Variants in PRR5 observed in about 807,000 individuals in gnomAD.
PRR5 encodes proline rich 5, also known as proline-rich protein 5.
In PRR5, 25 loss-of-function variants were observed where a neutral mutation model predicts 30.6. The ratio of observed to expected loss-of-function variants is 0.82; its 90% CI spans 0.60 to 1.14. The LOEUF (loss-of-function observed/expected upper bound fraction) is 1.14. Ranked by LOEUF, PRR5 falls within the 50% of genes most tolerant of loss-of-function variation. The probability of loss-of-function intolerance (pLI) is 0.00; values close to 1 mark genes in which losing one functional copy is unlikely to be tolerated. For synonymous variants in PRR5, 286 were observed against 247.1 expected (o/e 1.16, Z -1.48); for missense variants, 600 against 547.1 (o/e 1.10, Z -0.96).
intron 1 of PRR5, among the ~76,000 whole-genome samples, chr22:44,696,822 C>T (rs185074879): frequency 5.3e-5 from 8 of 152,198 alleles, no homozygotes; most frequent in African/African-American, 1.7e-4. Flanking sequence ...CTGTAAACTC[C>T]GCTTCCAGGG....
intron 1 of PRR5, among the ~76,000 whole-genome samples, chr22:44,710,906 G>GGGCA: frequency 6.6e-6 from 1 of 151,954 alleles, no homozygotes; most frequent in African/African-American, 2.4e-5. Context: ...AGGGCAGGGC[G>GGGCA]TGCTGACCTT....
At chr22:44,694,455 C>A (rs952359687) in intron 1 of PRR5, among the ~76,000 whole-genome samples, 1 of 152,202 alleles carries the variant, frequency 6.6e-6, no homozygotes, top group African/African-American at 2.4e-5. Flanking sequence ...ATCACTTGAA[C>A]CTGGGAGGTG....
chr22:44,727,168 G>A (rs919989993), intron 4 of PRR5, among the ~76,000 whole-genome samples: 4 of 151,488 alleles, frequency 2.6e-5, no homozygotes, highest in Non-Finnish European at 2.9e-5. Flanking sequence ...GGGTGGGGGC[G>A]GGACTCAAAC....
rs1053053720 is a variant in PRR5 at position 44,735,503 on chromosome 22, C to G, written c.691+341C>G. ...TGCCGAAGCTTGAGGACTCCTGGCT[C>G]AGTTAGGGGACCCAGGCTGGGAGGG... On this transcript the variant is annotated intron_variant, in intron 7 of 7. Transcript: ENST00000336985. Among the ~76,000 whole-genome samples, 28 of 152,140 alleles carry G rather than the reference C, an allele frequency of 1.8e-4. 1 individual carries two copies. The highest frequency in any genetic ancestry group is 7.4e-5 in the Non-Finnish European group (5 of 67,990).
chr22:44,716,499 A>G (rs1374806594), intron 2 of PRR5, among the ~76,000 whole-genome samples: 1 of 151,928 alleles, frequency 6.6e-6, no homozygotes, highest in East Asian at 1.9e-4. Context: ...ATGACAAGAC[A>G]CCTTCTCTAT....
chr22:44,701,715 C>T (rs1926309380), upstream of PRR5, among the ~76,000 whole-genome samples: 1 of 152,210 alleles, frequency 6.6e-6, no homozygotes, highest in African/African-American at 2.4e-5. Context: ...TAGGCTGAGC[C>T]CGGGTGGAGT....
intron 1 of PRR5, 30 bp downstream of exon 1, chr22:44,702,638 G>A: frequency 2.4e-6 from 3 of 1,267,502 alleles, no homozygotes; most frequent in African/African-American, 1.6e-5. Flanking sequence ...GCCACCCGGA[G>A]GCCCTGGAGC....
chr22:44,690,482 C>A (rs908430167), intron 1 of PRR5, among the ~76,000 whole-genome samples: 2 of 151,894 alleles, frequency 1.3e-5, no homozygotes, highest in Non-Finnish European at 2.9e-5. Context: ...AAGAGGCAGC[C>A]CCGCTCACTG....
chr22:44,711,569 G>A (rs1928240256), intron 1 of PRR5, among the ~76,000 whole-genome samples: 2 of 152,162 alleles, frequency 1.3e-5, no homozygotes, highest in Admixed American at 1.3e-4. Context: ...AGGCTGCTCA[G>A]GGCAGATCAC....
At chr22:44,733,831 G>A (rs777491872) in intron 6 of PRR5, among the ~76,000 whole-genome samples, 10 of 152,130 alleles carry the variant, frequency 6.6e-5, no homozygotes, top group Non-Finnish European at 8.8e-5. Context: ...TACCAGCCCC[G>A]AAACCCCAAG....
rs1569063252 is a variant in PRR5 at position 44,679,821 on chromosome 22, CA to C, written c.-11+2582del. Reference sequence around the variant, plus strand: ...AGCCATGGTGTGTTTGGAACTTTCACAGAGGGAAGCCTGGGGCTCGGGAAGC... The same window carrying C: ...AGCCATGGTGTGTTTGGAACTTTCACGAGGGAAGCCTGGGGCTCGGGAAGC... On this transcript the variant is annotated intron_variant, in intron 1 of 8. Coordinates refer to the PRR5 transcript ENST00000006251. 5 of 1,599,008 alleles carry C rather than the reference CA, an allele frequency of 3.1e-6. No individual in the cohort carries two copies. The South Asian group carries it at 5.7e-5, about 18-fold the overall frequency.
At chr22:44,700,029 G>A (rs1157255969), upstream of PRR5, among the ~76,000 whole-genome samples, 6 of 152,076 alleles carry the variant, frequency 3.9e-5, no homozygotes, top group African/African-American at 1.2e-4. Flanking sequence ...AAGTTTGAGA[G>A]CGTGGGCTAG....
chr22:44,734,985 T>C (rs1922930527), intron 6 of PRR5, 42 bp from the exon 7 acceptor site: 1 of 1,587,540 alleles, frequency 6.3e-7, no homozygotes, highest in Non-Finnish European at 8.6e-7. Context: ...GCCACCAAGC[T>C]CGGGTGCATG....
chr22:44,729,717 C>G (rs1250841231), intron 4 of PRR5: 1 of 985,378 alleles, frequency 1.0e-6, no homozygotes, highest in Non-Finnish European at 1.2e-6. Flanking sequence ...GCGAGGCTGC[C>G]CTTCCTGGCC....
rs140085854 is a variant in PRR5 at position 44,682,814 on chromosome 22, G to A, written c.-11+5574G>A. On this transcript the variant is annotated intron_variant, in intron 1 of 8. Transcript: ENST00000006251. Reference sequence around the variant, plus strand: ...GAAATTGCCGCTCTCATTCTGCAGGGCCGCCCAAGGCCTCTCTGAGCCCAC... The same window carrying A: ...GAAATTGCCGCTCTCATTCTGCAGGACCGCCCAAGGCCTCTCTGAGCCCAC... Among the ~76,000 whole-genome samples, 28 of 152,308 alleles carry A rather than the reference G, an allele frequency of 1.8e-4. No individual in the cohort carries two copies. The South Asian group carries it at 3.5e-3, about 19-fold the overall frequency.
intron 1 of PRR5, among the ~76,000 whole-genome samples, chr22:44,686,828 G>T (rs969013379): frequency 3.9e-5 from 6 of 152,152 alleles, no homozygotes; most frequent in Non-Finnish European, 7.4e-5. Context: ...TGGCCAGGCA[G>T]GTCTTGAACT....
intron 1 of PRR5, among the ~76,000 whole-genome samples, chr22:44,678,756 C>A (rs933456387): frequency 1.3e-5 from 2 of 152,222 alleles, no homozygotes; most frequent in Non-Finnish European, 2.9e-5. Context: ...TTTGGGCCAG[C>A]GCTTGTCATA....
intron 1 of PRR5, among the ~76,000 whole-genome samples, chr22:44,712,667 G>A (rs769107433): frequency 2.0e-5 from 3 of 152,222 alleles, no homozygotes; most frequent in Non-Finnish European, 2.9e-5. Context: ...AGATGAGGAC[G>A]TTAGGAGCAT....
rs1372253936 is a variant in PRR5, at chr22:44,702,409, G to A, written c.-66G>A. On this transcript the variant is annotated 5_prime_UTR_variant, in exon 1 of 8. Transcript: ENST00000336985. Reference sequence around the variant, plus strand: ...GGCGCATCGCCGGCCCGGGGCCCTTGGTGCGGCGTGGCGCAGGGCGCGGCG... The same window carrying A: ...GGCGCATCGCCGGCCCGGGGCCCTTAGTGCGGCGTGGCGCAGGGCGCGGCG... 1 of 1,234,338 alleles carries A rather than the reference G, an allele frequency of 8.1e-7. No individual in the cohort carries two copies. Among genetic ancestry groups the A allele is most frequent in the Non-Finnish European group, 1.0e-6 (1 of 987,122 alleles). The allele number at this position is 1,234,338 out of a possible 1,614,324, so 76.5% of individuals were successfully genotyped here. A position where few individuals can be genotyped will look rare whatever the true frequency, so the allele number is the denominator to read the frequency against.
Sources: allele counts gnomAD v4.1 joint callset (sites outside exome capture counted in the v4.1 genomes callset), GRCh38; gene constraint gnomAD v4.1.1; transcripts MANE v1.5; gene names NCBI Gene and HGNC (gene_info 2026-07-23, HGNC 2026-07-21).